Variants in C2orf78 observed in about 807,000 individuals in gnomAD.
The protein encoded by C2orf78 is uncharacterized protein C2orf78.
Under a neutral mutation model 21.4 loss-of-function variants are expected in C2orf78, and 12 were observed. The observed-to-expected ratio is 0.56, with a 90% CI of 0.36 to 0.91. The LOEUF is 0.91. C2orf78 is among the 40% of genes least tolerant of loss of function. The pLI, the probability that C2orf78 is intolerant of heterozygous loss-of-function variation, is 0.01. For missense variants in C2orf78, 1,042 were observed against 1,092.4 expected (o/e 0.95, Z 0.65); for synonymous variants, 396 against 413.9 (o/e 0.96, Z 0.52).
intron 1 of C2orf78, among the ~76,000 whole-genome samples, chr2:73,785,768 C>G (rs901498458): frequency 6.6e-6 from 1 of 151,962 alleles, no homozygotes; most frequent in African/African-American, 2.4e-5. Context: ...TTTTAGAGGC[C>G]AGGCTCGGTG....
chr2:73,809,179 A>G (rs1292311309), intron 1 of C2orf78, among the ~76,000 whole-genome samples: 1 of 152,110 alleles, frequency 6.6e-6, no homozygotes, highest in Non-Finnish European at 1.5e-5. Context: ...TGAGTCTTAA[A>G]GGGTATACGT....
intron 1 of C2orf78, among the ~76,000 whole-genome samples, chr2:73,809,681 G>A (rs1466673183): frequency 2.6e-5 from 4 of 152,182 alleles, no homozygotes; most frequent in Non-Finnish European, 5.9e-5. Flanking sequence ...GGAAGCTGAG[G>A]TGGGAGGATC....
At position 73,814,238 on chromosome 2, in the gene C2orf78, C is replaced by A; in HGVS notation, c.847+12C>A. The A allele has an allele frequency of 6.5e-7, 1 of 1,546,160 alleles. No homozygotes were observed. The highest frequency in any genetic ancestry group is 1.2e-5 in the South Asian group (1 of 81,334). On this transcript the variant is annotated intron_variant, in intron 2 of 2. Coordinates refer to ENST00000409561, the Ensembl canonical transcript of C2orf78. Reference sequence around the variant, plus strand: ...AACCAGTGTTCAAGGTGAGTACAAACATCAAGAAAGGAGAGGAATAATGTC... The same window carrying A: ...AACCAGTGTTCAAGGTGAGTACAAAAATCAAGAAAGGAGAGGAATAATGTC...
chr2:73,813,696 T>C (rs757779887), exon 2 of C2orf78: 2 of 1,613,992 alleles, frequency 1.2e-6, no homozygotes, highest in Non-Finnish European at 1.7e-6. Context: ...AGCACAACTA[T>C]GTTGTCTGGG....
intron 1 of C2orf78, among the ~76,000 whole-genome samples, chr2:73,809,591 G>A (rs990731061): frequency 2.6e-5 from 4 of 152,058 alleles, no homozygotes; most frequent in African/African-American, 9.7e-5. Flanking sequence ...TTCCCGGCCA[G>A]TCTGGGCAAC....
chr2:73,814,339 A>G, intron 2 of C2orf78, 113 bp downstream of exon 2: 2 of 1,204,438 alleles, frequency 1.7e-6, no homozygotes, highest in South Asian at 3.1e-5. Flanking sequence ...CTGAGACTTC[A>G]ACCACTATTC....
intron 1 of C2orf78, among the ~76,000 whole-genome samples, chr2:73,811,560 G>T (rs1453720281): frequency 6.6e-6 from 1 of 152,136 alleles, no homozygotes; most frequent in African/African-American, 2.4e-5. Flanking sequence ...AGTACCTACT[G>T]ATTCATAATG....
intron 1 of C2orf78, among the ~76,000 whole-genome samples, chr2:73,798,136 C>A (rs1384289518): frequency 1.5e-5 from 2 of 135,774 alleles, no homozygotes; most frequent in Non-Finnish European, 1.6e-5. Flanking sequence ...AAAGGGGGTT[C>A]TTTAATCCCT....
intron 1 of C2orf78, among the ~76,000 whole-genome samples, chr2:73,811,833 A>T (rs76423486): frequency 0.034 from 5,188 of 152,186 alleles, 300 homozygotes; most frequent in African/African-American, 0.12. Context: ...TCTGCTTGTT[A>T]TGTGGCTACA....
intron 1 of C2orf78, 29 bp from the exon 2 acceptor site, chr2:73,813,447 GT>G: frequency 6.5e-7 from 1 of 1,533,970 alleles, no homozygotes; most frequent in Admixed American, 2.1e-5. Context: ...ACTCTCATCG[GT>G]TTTTTCATCT....
At chr2:73,813,577 C>G (rs1283702854) in exon 2 of C2orf78, 1 of 1,613,940 alleles carries the variant, frequency 6.2e-7, no homozygotes, top group African/African-American at 1.3e-5. Context: ...GCATCTCCAA[C>G]TTCTCCAGAG....
At chr2:73,815,364 G>C in exon 3 of C2orf78, 1 of 1,613,888 alleles carries the variant, frequency 6.2e-7, no homozygotes, top group Non-Finnish European at 8.5e-7. Context: ...GATCCTAATA[G>C]GAAATCAAGA....
exon 2 of C2orf78, chr2:73,813,931 C>G: frequency 6.8e-6 from 11 of 1,614,026 alleles, no homozygotes; most frequent in Non-Finnish European, 9.3e-6. Flanking sequence ...TATCTGCCAG[C>G]CTTGTTCAGG....
exon 3 of C2orf78, chr2:73,815,239 T>C: frequency 1.2e-6 from 2 of 1,613,900 alleles, no homozygotes; most frequent in Non-Finnish European, 1.7e-6. Flanking sequence ...ATAACTCCAG[T>C]CCAGAGTCCT....
exon 3 of C2orf78, chr2:73,815,547 G>A: frequency 6.2e-7 from 1 of 1,613,930 alleles, no homozygotes; most frequent in Non-Finnish European, 8.5e-7. Context: ...CAGTGATTTG[G>A]CAGACATCAC....
rs1673214061 is a variant in C2orf78 at position 73,816,864 on chromosome 2, G to GC, written c.2643dup (p.Met882HisfsTer10). ...AGAAGAGCAGAGGCCAGAGCGTGAG[G>GC]CCATGAAGAGAAAGGCTCAACAAGA... is the stretch of plus-strand genomic sequence containing the variant. On this transcript the variant is annotated frameshift_variant, in exon 3 of 3. Coordinates refer to ENST00000409561, the Ensembl canonical transcript of C2orf78. LOFTEE classifies it low-confidence loss of function (END_TRUNC). 1 of 1,613,870 alleles carries GC rather than the reference G, an allele frequency of 6.2e-7. No individual in the cohort carries two copies. The highest frequency in any genetic ancestry group is 1.1e-5 in the South Asian group (1 of 91,090).
intron 1 of C2orf78, among the ~76,000 whole-genome samples, chr2:73,792,901 GTCAGCCTTGTCTTCTA>G (rs1164347921): frequency 1.5e-4 from 2 of 13,704 alleles, no homozygotes; most frequent in Non-Finnish European, 2.6e-4. Flanking sequence ...AAGGTCTGCA[GTCAGCCTTGTCTTCTA>G]CCTCTCTGCT....
At chr2:73,810,841 A>T (rs1479738504) in intron 1 of C2orf78, among the ~76,000 whole-genome samples, 1 of 136,040 alleles carries the variant, frequency 7.4e-6, no homozygotes, top group Non-Finnish European at 1.5e-5. Flanking sequence ...TGTTATATAT[A>T]TTACATGTAT....
exon 3 of C2orf78, chr2:73,815,965 C>G: frequency 6.2e-7 from 1 of 1,613,816 alleles, no homozygotes; most frequent in Non-Finnish European, 8.5e-7. Context: ...AAGAACAGCT[C>G]CAAGAAATCT....
Sources: allele counts gnomAD v4.1 joint callset (sites outside exome capture counted in the v4.1 genomes callset), GRCh38; gene constraint gnomAD v4.1.1; transcripts MANE v1.5; gene names NCBI Gene and HGNC (gene_info 2026-07-23, HGNC 2026-07-21).